CA8: variants seen among roughly 807,000 people sequenced by gnomAD.
CA8 encodes carbonic anhydrase 8 (inactive), also known as carbonic anhydrase-related protein.
A neutral mutation model predicts 41.4 loss-of-function variants in CA8; 22 were observed. The observed-to-expected ratio is 0.53, with a 90% CI of 0.38 to 0.76. CA8 has a LOEUF of 0.76. Among genes scored for constraint, CA8 ranks in the 30% least tolerant of loss-of-function variants. CA8 has a pLI of 0.00. For missense variants in CA8, 270 were observed against 352.8 expected, an observed-to-expected ratio of 0.77 and a Z score of 1.88; for synonymous variants, 121 against 130.6, an observed-to-expected ratio of 0.93 and a Z score of 0.50.
chr8:60,257,383 C>T (rs148605266), intron 3 of CA8, among the ~76,000 whole-genome samples: 156 of 152,322 alleles, frequency 1.0e-3, no homozygotes, highest in Non-Finnish European at 1.6e-3. Flanking sequence ...AAACAGGAAA[C>T]ACAGCAGGGT....
Position 60,281,388 on chromosome 8 carries a change from G to C in CA8, c.-241C>G. 3.7e-6 allele frequency: 2 copies of C among 542,760 alleles called. No homozygotes were observed. The highest frequency in any genetic ancestry group is 6.6e-6 in the Non-Finnish European group (2 of 303,634). The allele number at this position is 542,760 out of a possible 1,614,324, so 33.6% of individuals were successfully genotyped here. A position where few individuals can be genotyped will look rare whatever the true frequency, so the allele number is the denominator to read the frequency against. On this transcript the variant is annotated 5_prime_UTR_variant, in exon 1 of 9. Coordinates refer to ENST00000317995, the MANE Select transcript of CA8 (RefSeq NM_004056.6). ...CCGGAGGCCCCAGCAGAGCGAGGGA[G>C]CGGCTGTGGCCTGGGGAGCGAGCGC...
chr8:60,214,202 G>GATCAAGAC (rs1222494554), intron 7 of CA8, among the ~76,000 whole-genome samples: 1 of 152,220 alleles, frequency 6.6e-6, no homozygotes, highest in Non-Finnish European at 1.5e-5. Context: ...GGAAGTCCAA[G>GATCAAGAC]ATCAAGACAT....
chr8:60,191,793 T>C (rs960464867), intron 8 of CA8, among the ~76,000 whole-genome samples: 5 of 152,088 alleles, frequency 3.3e-5, no homozygotes, highest in Admixed American at 3.3e-4. Context: ...AAATAAAATA[T>C]GGGTAGGTAA....
At chr8:60,244,050 G>A (rs763677580) in intron 3 of CA8, among the ~76,000 whole-genome samples, 6 of 152,112 alleles carry the variant, frequency 3.9e-5, no homozygotes, top group Non-Finnish European at 8.8e-5. Context: ...TTTAACAGCT[G>A]AGTTCCCTCC....
At position 60,232,399 on chromosome 8, in the gene CA8, C is replaced by G. The variant is rs368475479; in HGVS notation, c.418-20G>C. On this transcript the variant is annotated intron_variant, in intron 3 of 8. Coordinates refer to ENST00000317995, the MANE Select transcript of CA8 (RefSeq NM_004056.6). Reference sequence around the variant, plus strand: ...ATGGAGCTGAGTGAGTGGCAACAGACAGACCACATCATTTAATGTGCTACT... The same window carrying G: ...ATGGAGCTGAGTGAGTGGCAACAGAGAGACCACATCATTTAATGTGCTACT... 2 of 1,482,984 alleles carry G rather than the reference C, an allele frequency of 1.3e-6. No individual in the cohort carries two copies. The highest frequency in any genetic ancestry group is 2.8e-5 in the African/African-American group (2 of 72,338). The allele number at this position is 1,482,984 out of a possible 1,614,324, so 91.9% of individuals were successfully genotyped here. A position where few individuals can be genotyped will look rare whatever the true frequency, so the allele number is the denominator to read the frequency against.
At chr8:60,242,701 A>C (rs1196030645) in intron 3 of CA8, among the ~76,000 whole-genome samples, 1 of 152,240 alleles carries the variant, frequency 6.6e-6, no homozygotes, top group African/African-American at 2.4e-5. Flanking sequence ...AAGGGAGACC[A>C]GACTGTCTAT....
chr8:60,208,109 A>G (rs144659736), intron 8 of CA8: 22 of 152,530 alleles, frequency 1.4e-4, no homozygotes, highest in African/African-American at 3.6e-4. Context: ...CGTGTTTGTG[A>G]TATTTTATTT....
intron 8 of CA8, among the ~76,000 whole-genome samples, chr8:60,204,522 A>G (rs1241648642): frequency 6.6e-6 from 1 of 152,208 alleles, no homozygotes; most frequent in Admixed American, 6.5e-5. Flanking sequence ...TTGTTTAGTA[A>G]TCTTGAAGAG....
In CA8 at chr8:60,185,844, A is replaced by C. The variant is rs1805949002; in HGVS notation, c.*4177T>G. On this transcript the variant is annotated 3_prime_UTR_variant, in exon 9 of 9. Transcript: ENST00000317995. Reference sequence around the variant, plus strand: ...GAAGTGACCCCAGATACTAATTTGAATCCATTCCAAAAAAAAAAGGGCACT... The same window carrying C: ...GAAGTGACCCCAGATACTAATTTGACTCCATTCCAAAAAAAAAAGGGCACT... Among the ~76,000 whole-genome samples, 1 of 152,054 alleles carries C rather than the reference A, an allele frequency of 6.6e-6. No individual in the cohort carries two copies. Among genetic ancestry groups the C allele is most frequent in the Admixed American group, 6.5e-5 (1 of 15,270 alleles).
At chr8:60,244,479 A>G (rs1036806984) in intron 3 of CA8, among the ~76,000 whole-genome samples, 1 of 152,236 alleles carries the variant, frequency 6.6e-6, no homozygotes, top group Non-Finnish European at 1.5e-5. Context: ...ATTATGTATT[A>G]ACTATTTCAG....
At chr8:60,280,501 GA>G (rs1321186041) in intron 1 of CA8, among the ~76,000 whole-genome samples, 2 of 152,216 alleles carry the variant, frequency 1.3e-5, no homozygotes, top group Admixed American at 6.5e-5. Flanking sequence ...ATAAATCTAG[GA>G]AACTCGAGTT....
At chr8:60,278,505 A>G (rs2130636023) in intron 2 of CA8, among the ~76,000 whole-genome samples, 1 of 152,360 alleles carries the variant, frequency 6.6e-6, no homozygotes, top group South Asian at 2.1e-4. Flanking sequence ...AACAGTCAGC[A>G]TTCAATAATT....
chr8:60,224,407 C>A (rs1563354045), intron 6 of CA8, 130 bp downstream of exon 6: 1 of 663,250 alleles, frequency 1.5e-6, no homozygotes, highest in East Asian at 2.8e-5. Context: ...GAAATGGTAT[C>A]TGCTAAACAG....
chr8:60,194,765 C>G lies in CA8; in HGVS notation c.*36-4780G>C, dbSNP rs369244671. ...GGTTTGTTCCTCACATCTGCTAAAT[C>G]TGTTACAAGACCATCTGCTTCCAGC... On this transcript the variant is annotated intron_variant, in intron 8 of 8. Transcript: ENST00000317995. Among the ~76,000 whole-genome samples the G allele has an allele frequency of 2.0e-5, 3 of 152,132 alleles. No homozygotes were observed. In the East Asian group the frequency reaches 5.8e-4, roughly 29 times the overall value.
At chr8:60,257,876 C>A (rs147750885) in intron 3 of CA8, among the ~76,000 whole-genome samples, 1 of 152,204 alleles carries the variant, frequency 6.6e-6, no homozygotes, top group Non-Finnish European at 1.5e-5. Context: ...CTTCTGATGA[C>A]CTGAATCTGC....
At chr8:60,246,825 GGATA>G (rs772692229) in intron 3 of CA8, among the ~76,000 whole-genome samples, 89 of 149,830 alleles carry the variant, frequency 5.9e-4, no homozygotes, top group Non-Finnish European at 1.2e-3. Flanking sequence ...GCCTTTAAAA[GGATA>G]GAAAGTGTAA....
At chr8:60,191,561 T>G (rs529114442) in intron 8 of CA8, among the ~76,000 whole-genome samples, 55 of 152,274 alleles carry the variant, frequency 3.6e-4, no homozygotes, top group Non-Finnish European at 7.1e-4. Flanking sequence ...TATGCTGATG[T>G]GCATTGCAAA....
chr8:60,212,225 T>C (rs1016834308), intron 7 of CA8, among the ~76,000 whole-genome samples: 2 of 152,220 alleles, frequency 1.3e-5, no homozygotes, highest in Non-Finnish European at 2.9e-5. Context: ...AATTATCCAC[T>C]AAAAGTTCAG....
intron 7 of CA8, among the ~76,000 whole-genome samples, chr8:60,214,954 G>C (rs984729477): frequency 3.9e-5 from 6 of 152,146 alleles, no homozygotes; most frequent in Non-Finnish European, 8.8e-5. Flanking sequence ...TGAAAATGTA[G>C]ATAAGCTAAG....
Sources: allele counts gnomAD v4.1 joint callset (sites outside exome capture counted in the v4.1 genomes callset), GRCh38; gene constraint gnomAD v4.1.1; transcripts MANE v1.5; gene names NCBI Gene and HGNC (gene_info 2026-07-23, HGNC 2026-07-21).